RMST: variants seen among roughly 807,000 people sequenced by gnomAD.
RMST encodes long intergenic non-protein coding RNA 54.
chr12:97,474,068 G>A (rs1001477023), intron 5 of RMST, among the ~76,000 whole-genome samples: 11 of 152,230 alleles, frequency 7.2e-5, no homozygotes, highest in African/African-American at 2.6e-4. Context: ...TATTGACAGT[G>A]TACGGTATTC....
intron 5 of RMST, among the ~76,000 whole-genome samples, chr12:97,470,092 C>T (rs1272731418): frequency 6.6e-6 from 1 of 152,078 alleles, no homozygotes. Context: ...TTCTCAAAGC[C>T]CTCAAACCTT....
intron 5 of RMST, among the ~76,000 whole-genome samples, chr12:97,475,704 G>GA (rs1259243427): frequency 6.6e-6 from 1 of 150,720 alleles, no homozygotes; most frequent in East Asian, 1.9e-4. Context: ...GAGGTTAAAA[G>GA]AAAAAAACAC....
At chr12:97,540,098 T>C (rs949546059) in intron 11 of RMST, among the ~76,000 whole-genome samples, 1 of 151,722 alleles carries the variant, frequency 6.6e-6, no homozygotes, top group Non-Finnish European at 1.5e-5. Context: ...CTGATTTCCT[T>C]TCCAAAGGAT....
intron 9 of RMST, among the ~76,000 whole-genome samples, chr12:97,495,176 T>TGGGGGG (rs112974508): frequency 6.8e-6 from 1 of 146,444 alleles, no homozygotes; most frequent in Non-Finnish European, 1.5e-5. Context: ...ATTATTCTTA[T>TGGGGGG]GGGGGGGGAG....
chr12:97,499,941 G>A (rs917215983), intron 10 of RMST, among the ~76,000 whole-genome samples: 5 of 152,114 alleles, frequency 3.3e-5, no homozygotes, highest in African/African-American at 1.2e-4. Context: ...TTACAGGCAT[G>A]AGTCATCATG....
rs368997028 is a variant in RMST, at chr12:97,552,458, G to A, written n.1546-8079G>A. The stretch of plus-strand genomic sequence containing the variant: ...TAGGATTCCTAGTTTACCTTGGAGG[G>A]CATTTATCATTTCTCCCTTGATTGG... On this transcript the variant is annotated intron_variant and non_coding_transcript_variant, in intron 11 of 13. Coordinates refer to ENST00000640149, the Ensembl canonical transcript of RMST. Among the ~76,000 whole-genome samples, 11 of 152,204 alleles carry A rather than the reference G, an allele frequency of 7.2e-5. No individual in the cohort carries two copies. The East Asian group carries it at 2.1e-3, about 29-fold the overall frequency.
At chr12:97,557,045 G>C (rs1883756610) in intron 11 of RMST, among the ~76,000 whole-genome samples, 1 of 152,014 alleles carries the variant, frequency 6.6e-6, no homozygotes, top group Non-Finnish European at 1.5e-5. Context: ...AGTTAAAATA[G>C]AATACACCAA....
At position 97,512,715 on chromosome 12, in the gene RMST, G is replaced by C. The variant is rs1020383341; in HGVS notation, n.1340+16659G>C. ...TCCCCACCAGACTCAGGAGCCCAGC[G>C]GGCTTTACCCAGTGGATCCCGCACC... On this transcript the variant is annotated intron_variant and non_coding_transcript_variant, in intron 10 of 13. Transcript: ENST00000640149. 3.0e-4 allele frequency among the ~76,000 whole-genome samples: 46 copies of C among 152,136 alleles called. 1 individual carries two copies. Among genetic ancestry groups the C allele is most frequent in the African/African-American group, 1.1e-3 (44 of 41,524 alleles).
chr12:97,470,934 T>A (rs1873837225), intron 5 of RMST, among the ~76,000 whole-genome samples: 1 of 152,126 alleles, frequency 6.6e-6, no homozygotes, highest in Non-Finnish European at 1.5e-5. Flanking sequence ...GAATTCAACA[T>A]TCAAACTCCT....
At chr12:97,528,150 C>T (rs1190401761) in intron 10 of RMST, among the ~76,000 whole-genome samples, 2 of 152,038 alleles carry the variant, frequency 1.3e-5, no homozygotes, top group Non-Finnish European at 2.9e-5. Flanking sequence ...TTAAAGCAAA[C>T]TTTTGTAAAA....
chr12:97,465,215 C>CA (rs1374045280), intron 4 of RMST: 3 of 152,284 alleles, frequency 2.0e-5, no homozygotes, highest in Non-Finnish European at 4.4e-5. Context: ...TTGCAATTGC[C>CA]AAGCGCTAAG....
chr12:97,518,986 C>T (rs1007821964), intron 10 of RMST, among the ~76,000 whole-genome samples: 2 of 152,070 alleles, frequency 1.3e-5, no homozygotes, highest in Non-Finnish European at 2.9e-5. Context: ...CTATATTGCC[C>T]AGGCTGGTCT....
chr12:97,509,828 TGA>T (rs1335668987), intron 10 of RMST, among the ~76,000 whole-genome samples: 1 of 152,234 alleles, frequency 6.6e-6, no homozygotes, highest in Non-Finnish European at 1.5e-5. Flanking sequence ...GTCTGTTGTG[TGA>T]TAGGCATTTT....
chr12:97,509,394 A>AC (rs57194533), intron 10 of RMST, among the ~76,000 whole-genome samples: 27,609 of 152,116 alleles, frequency 0.18, 4,886 homozygotes, highest in African/African-American at 0.45. Context: ...TATATACTGA[A>AC]TTGCAGGCCA....
intron 11 of RMST, among the ~76,000 whole-genome samples, chr12:97,537,439 A>T (rs1882156814): frequency 6.6e-6 from 1 of 151,444 alleles, no homozygotes; most frequent in South Asian, 2.1e-4. Flanking sequence ...TATATTAATG[A>T]TGATTTCTCT....
chr12:97,489,988 C>T (rs1241277835), intron 5 of RMST, among the ~76,000 whole-genome samples: 1 of 152,166 alleles, frequency 6.6e-6, no homozygotes, highest in Non-Finnish European at 1.5e-5. Context: ...CATGAGGTTA[C>T]ATTTAGGTAC....
At chr12:97,478,724 T>C (rs1349110226) in intron 5 of RMST, among the ~76,000 whole-genome samples, 1 of 152,212 alleles carries the variant, frequency 6.6e-6, no homozygotes, top group Non-Finnish European at 1.5e-5. Context: ...AGGGCTTAAA[T>C]AGGAGTTAAA....
intron 5 of RMST, among the ~76,000 whole-genome samples, chr12:97,471,860 T>C (rs779766076): frequency 2.6e-5 from 4 of 152,142 alleles, no homozygotes; most frequent in Non-Finnish European, 4.4e-5. Flanking sequence ...GAAGATTTTT[T>C]TTCCTCCATA....
In RMST at chr12:97,534,685, T is replaced by G. The variant is rs116495243; in HGVS notation, n.1545+3826T>G. On this transcript the variant is annotated intron_variant and non_coding_transcript_variant, in intron 11 of 13. Coordinates refer to ENST00000640149, the Ensembl canonical transcript of RMST. ...TTCGAAGACATTTTATTTCTTTATG[T>G]TGCCTTTGTTTTCTATCAATCGGTT... is the stretch of plus-strand genomic sequence containing the variant. 9.7e-3 allele frequency among the ~76,000 whole-genome samples: 1,468 copies of G among 151,860 alleles called. 25 individuals carry two copies. Among genetic ancestry groups the G allele is most frequent in the African/African-American group, 0.034 (1,391 of 41,504 alleles).
Sources: gnomAD v4.1 joint callset for allele counts (sites outside exome capture counted in the v4.1 genomes callset) on GRCh38, gnomAD v4.1.1 for gene constraint, MANE v1.5 for transcripts, NCBI Gene and HGNC (gene_info 2026-07-23, HGNC 2026-07-21) for gene names.